Variants in ME1 observed in about 807,000 individuals in gnomAD.
The protein encoded by ME1 is malic enzyme 1.
ME1 carries 74 observed loss-of-function variants against 66.4 expected under a neutral mutation model. The observed-to-expected ratio is 1.11, with a 90% CI of 0.92 to 1.35. The LOEUF (loss-of-function observed/expected upper bound fraction) is 1.35, where lower values mean the gene tolerates loss of function less well. Ranked by LOEUF, ME1 falls within the 40% of genes most tolerant of loss-of-function variation. The pLI, the probability that ME1 is intolerant of heterozygous loss-of-function variation, is 0.00. For synonymous variants in ME1, 251 were observed against 235.6 expected (o/e 1.07, Z -0.60); for missense variants, 750 against 694.1 (o/e 1.08, Z -0.90).
At chr6:83,264,738 ATC>A (rs1022957157) in intron 6 of ME1, among the ~76,000 whole-genome samples, 13 of 152,362 alleles carry the variant, frequency 8.5e-5, no homozygotes, top group Non-Finnish European at 1.9e-4. Flanking sequence ...AATTGCTGCA[ATC>A]TCATTATAAA....
intron 7 of ME1, 24 bp downstream of exon 7, chr6:83,253,605 C>T: frequency 8.9e-7 from 1 of 1,118,310 alleles, no homozygotes; most frequent in Non-Finnish European, 1.4e-6. Context: ...GTTATTGATC[C>T]ATATGCAGTG....
At chr6:83,344,376 T>A (rs1202541257) in intron 5 of ME1, among the ~76,000 whole-genome samples, 2 of 152,158 alleles carry the variant, frequency 1.3e-5, no homozygotes, top group African/African-American at 2.4e-5. Flanking sequence ...ACAGGATTTT[T>A]AAGATATATT....
chr6:83,378,351 G>C (rs1457338650), intron 3 of ME1, among the ~76,000 whole-genome samples: 1 of 152,158 alleles, frequency 6.6e-6, no homozygotes, highest in Non-Finnish European at 1.5e-5. Context: ...CTTTGATTTT[G>C]AGAGGAATTT....
intron 7 of ME1, among the ~76,000 whole-genome samples, chr6:83,253,286 G>A (rs574584662): frequency 1.3e-5 from 2 of 152,192 alleles, no homozygotes; most frequent in South Asian, 4.2e-4. Flanking sequence ...AAAAATTGTG[G>A]CTAAGATAGG....
chr6:83,346,876 C>A (rs1457102173), intron 4 of ME1, among the ~76,000 whole-genome samples: 1 of 152,176 alleles, frequency 6.6e-6, no homozygotes, highest in Non-Finnish European at 1.5e-5. Context: ...TCTGCTACTT[C>A]TTACCTGAAA....
intron 4 of ME1, among the ~76,000 whole-genome samples, chr6:83,346,652 G>GA (rs1328336879): frequency 6.6e-6 from 1 of 152,148 alleles, no homozygotes; most frequent in African/African-American, 2.4e-5. Flanking sequence ...CTCAGACTGG[G>GA]AACCAAAAGA....
At chr6:83,362,755 C>A (rs1769027601) in intron 3 of ME1, among the ~76,000 whole-genome samples, 1 of 152,186 alleles carries the variant, frequency 6.6e-6, no homozygotes, top group African/African-American at 2.4e-5. Context: ...GTTTGCCTAT[C>A]CTGCATGCAA....
rs1198394249 is a variant in ME1 at position 83,211,493 on chromosome 6, C to T, written c.*431G>A. 1 of 149,996 alleles carries T rather than the reference C, an allele frequency of 6.7e-6. No individual in the cohort carries two copies. The highest frequency in any genetic ancestry group is 6.7e-5 in the Admixed American group (1 of 15,006). 9.3% of individuals were successfully genotyped at this position (149,996 alleles called of 1,614,324 possible). A position where few individuals can be genotyped will look rare whatever the true frequency, so the allele number is the denominator to read the frequency against. On this transcript the variant is annotated 3_prime_UTR_variant, in exon 14 of 14. Coordinates refer to ENST00000369705, the MANE Select transcript of ME1 (RefSeq NM_002395.6). The stretch of plus-strand genomic sequence containing the variant: ...ACAAAGTAGTGTTATTTCTGCTTAG[C>T]AAAAGTTCACCTACGCCTAGATTCA...
At chr6:83,378,399 T>C (rs1294796542) in intron 3 of ME1, among the ~76,000 whole-genome samples, 3 of 152,116 alleles carry the variant, frequency 2.0e-5, no homozygotes, top group East Asian at 1.9e-4. Context: ...TTGAACAACA[T>C]TGTAGACATT....
chr6:83,350,767 C>A (rs1376895430), intron 4 of ME1, among the ~76,000 whole-genome samples: 2 of 152,042 alleles, frequency 1.3e-5, no homozygotes, highest in Non-Finnish European at 2.9e-5. Context: ...GGATCACAGG[C>A]CTGAGCCACC....
intron 6 of ME1, among the ~76,000 whole-genome samples, chr6:83,294,653 T>C (rs1286119250): frequency 1.3e-5 from 2 of 152,138 alleles, no homozygotes; most frequent in African/African-American, 2.4e-5. Context: ...ACTGCCCCTA[T>C]TGTCCTCAGA....
chr6:83,397,834 A>C (rs938828973), intron 3 of ME1, among the ~76,000 whole-genome samples: 2 of 152,228 alleles, frequency 1.3e-5, no homozygotes, highest in African/African-American at 4.8e-5. Flanking sequence ...GCAACAATAC[A>C]GATGAACCTT....
chr6:83,377,487 T>C lies in ME1; in HGVS notation c.362+20880A>G, dbSNP rs1282162134. ...AAGAGGAATGATAATCATCTGGCAT[T>C]GATGAAATTACCAGTCACTCTCAAA... is the stretch of plus-strand genomic sequence containing the variant. On this transcript the variant is annotated intron_variant, in intron 3 of 13. Coordinates refer to ENST00000369705, the MANE Select transcript of ME1 (RefSeq NM_002395.6). Among the ~76,000 whole-genome samples the C allele has an allele frequency of 2.0e-5, 3 of 152,292 alleles. No homozygotes were observed. In the East Asian group the frequency reaches 5.8e-4, roughly 29 times the overall value.
chr6:83,341,513 T>G (rs1768585348), intron 5 of ME1, among the ~76,000 whole-genome samples: 1 of 152,152 alleles, frequency 6.6e-6, no homozygotes. Context: ...TGGGTACAGC[T>G]AAACTACCTT....
chr6:83,377,315 TAA>T (rs1426473011), intron 3 of ME1, among the ~76,000 whole-genome samples: 2 of 152,168 alleles, frequency 1.3e-5, no homozygotes, highest in African/African-American at 4.8e-5. Context: ...CAATTAAAAA[TAA>T]GTTTCCATAA....
chr6:83,288,076 T>C (rs946020846), intron 6 of ME1, among the ~76,000 whole-genome samples: 3 of 152,196 alleles, frequency 2.0e-5, no homozygotes, highest in Non-Finnish European at 4.4e-5. Flanking sequence ...ATAGACATAT[T>C]GCAAAAAATT....
At chr6:83,388,650 T>C (rs73749800) in intron 3 of ME1, among the ~76,000 whole-genome samples, 7,766 of 152,284 alleles carry the variant, frequency 0.051, 644 homozygotes, top group African/African-American at 0.18. Flanking sequence ...TTTCATTTAA[T>C]TCTGTTTTTC....
intron 3 of ME1, among the ~76,000 whole-genome samples, chr6:83,385,204 G>T (rs1037231393): frequency 7.9e-5 from 12 of 151,876 alleles, no homozygotes; most frequent in African/African-American, 2.9e-4. Context: ...TATTCGAGAT[G>T]TGATTTGGGT....
At chr6:83,316,635 A>G (rs1768035852) in intron 5 of ME1, among the ~76,000 whole-genome samples, 1 of 152,128 alleles carries the variant, frequency 6.6e-6, no homozygotes, top group Non-Finnish European at 1.5e-5. Flanking sequence ...AAACTTTTTT[A>G]TTTGTACACA....
Sources: gnomAD v4.1 joint callset for allele counts (sites outside exome capture counted in the v4.1 genomes callset) on GRCh38, gnomAD v4.1.1 for gene constraint, MANE v1.5 for transcripts, NCBI Gene and HGNC (gene_info 2026-07-23, HGNC 2026-07-21) for gene names.